Variants in APOBEC1 observed in about 807,000 individuals in gnomAD.
APOBEC1 encodes the protein C->U-editing enzyme APOBEC-1.
Under a neutral mutation model 26.3 loss-of-function variants are expected in APOBEC1, and 22 were observed. The ratio of observed to expected loss-of-function variants is 0.84; its 90% CI spans 0.60 to 1.19. The LOEUF (loss-of-function observed/expected upper bound fraction) is 1.19. Among genes scored for constraint, APOBEC1 ranks in the 50% most tolerant of loss-of-function variants. The probability of loss-of-function intolerance (pLI) is 0.00; values close to 1 mark genes in which losing one functional copy is unlikely to be tolerated. For missense variants in APOBEC1, 253 were observed against 289.0 expected (o/e 0.88, Z 0.90); for synonymous variants, 77 against 95.3 (o/e 0.81, Z 1.12).
chr12:7,654,715 C>A, intron 1 of APOBEC1, 83 bp from the exon 2 acceptor site: 1 of 1,272,764 alleles, frequency 7.9e-7, no homozygotes, highest in Non-Finnish European at 1.1e-6. Context: ...TATTCCAAAC[C>A]TCCAAATCAT....
chr12:7,660,375 G>GGAAGGAAAGAAA (rs61183510), intron 1 of APOBEC1, among the ~76,000 whole-genome samples: 9 of 23,968 alleles, frequency 3.8e-4, no homozygotes, highest in African/African-American at 1.0e-3. Flanking sequence ...AAGGAAGGAA[G>GGAAGGAAAGAAA]GAAAGAAAGA....
At chr12:7,653,977 C>T (rs1863680973) in intron 2 of APOBEC1, among the ~76,000 whole-genome samples, 1 of 152,130 alleles carries the variant, frequency 6.6e-6, no homozygotes, top group South Asian at 2.1e-4. Context: ...TAATAGTTCC[C>T]ACTCATCCCT....
chr12:7,652,696 C>T lies in APOBEC1; in HGVS notation c.184G>A (p.Val62Met), dbSNP rs370419195. The change falls in exon 3 of 5, where the codon GTG becomes ATG. Residue 62 changes from valine (V) to methionine (M), a missense_variant. Transcript: ENST00000229304. ...AATTTTTTTATAAAATTAACTTCCA[C>T]GTGATTGGTGGTGTTTTTGCCTGAG... ...RSSGKNTTNHVEVNFIKKFTS... is the reference protein window; with the variant it reads ...RSSGKNTTNHMEVNFIKKFTS... 61 of 1,613,938 alleles carry T rather than the reference C, an allele frequency of 3.8e-5. No individual in the cohort carries two copies. Among genetic ancestry groups the T allele is most frequent in the East Asian group, 3.1e-4 (14 of 44,894 alleles).
At chr12:7,663,239 G>C (rs1337472527) in intron 1 of APOBEC1, among the ~76,000 whole-genome samples, 1 of 152,150 alleles carries the variant, frequency 6.6e-6, no homozygotes, top group Non-Finnish European at 1.5e-5. Context: ...GTTTGTGTGT[G>C]TTACTTTTTA....
chr12:7,652,697 G>A lies in APOBEC1; in HGVS notation c.183C>T (p.His61=), dbSNP rs773777459. The A allele has an allele frequency of 1.5e-4, 250 of 1,614,052 alleles. 1 individual carries two copies. The highest frequency in any genetic ancestry group is 1.5e-3 in the Middle Eastern group (9 of 6,062). Residue 61 remains histidine, a synonymous_variant, in exon 3 of 5, where the codon CAC becomes CAT. Transcript: ENST00000229304. The stretch of plus-strand genomic sequence containing the variant: ...ATTTTTTTATAAAATTAACTTCCAC[G>A]TGATTGGTGGTGTTTTTGCCTGAGC... ...WRSSGKNTTN[H]VEVNFIKKFT...
upstream of APOBEC1, among the ~76,000 whole-genome samples, chr12:7,669,356 C>T (rs980286231): frequency 1.3e-5 from 2 of 152,010 alleles, no homozygotes; most frequent in African/African-American, 4.8e-5. Context: ...AATAGTATTC[C>T]ATTGCATAGG....
chr12:7,661,797 A>G (rs955737553), intron 1 of APOBEC1, among the ~76,000 whole-genome samples: 5 of 152,192 alleles, frequency 3.3e-5, no homozygotes, highest in African/African-American at 1.2e-4. Context: ...GAAAAAAGCA[A>G]CAATTGCTGC....
intron 1 of APOBEC1, among the ~76,000 whole-genome samples, chr12:7,665,568 G>A (rs932446408): frequency 1.3e-4 from 20 of 152,100 alleles, no homozygotes; most frequent in African/African-American, 4.8e-4. Context: ...AAAGTGCTGG[G>A]ATTACAGGTG....
intron 1 of APOBEC1, among the ~76,000 whole-genome samples, chr12:7,663,250 T>C (rs1565443397): frequency 1.3e-5 from 2 of 152,278 alleles, no homozygotes; most frequent in East Asian, 3.9e-4. Flanking sequence ...TTACTTTTTA[T>C]GCATTTGCAC....
intron 4 of APOBEC1, 66 bp from the exon 5 acceptor site, chr12:7,649,762 CA>C: frequency 8.6e-7 from 1 of 1,167,168 alleles, no homozygotes; most frequent in East Asian, 2.6e-5. Context: ...ATTATCACCA[CA>C]AACATTTAAA....
At chr12:7,660,159 C>T (rs61937008) in intron 1 of APOBEC1, among the ~76,000 whole-genome samples, 1,620 of 150,532 alleles carry the variant, frequency 0.011, 12 homozygotes, top group South Asian at 0.022. Flanking sequence ...AAAAATTAGC[C>T]AGGTGTGGTG....
At chr12:7,653,824 A>G (rs532653899) in intron 2 of APOBEC1, among the ~76,000 whole-genome samples, 2 of 152,216 alleles carry the variant, frequency 1.3e-5, no homozygotes, top group African/African-American at 4.8e-5. Flanking sequence ...ACTAACTCCT[A>G]TAAGAAAGAA....
upstream of APOBEC1, among the ~76,000 whole-genome samples, chr12:7,670,477 G>A (rs1440521692): frequency 2.9e-5 from 4 of 139,980 alleles, no homozygotes; most frequent in Non-Finnish European, 6.2e-5. Flanking sequence ...TAACCTGGCC[G>A]GGTGCAGTGG....
At chr12:7,661,693 C>T (rs747827017) in intron 1 of APOBEC1, among the ~76,000 whole-genome samples, 18 of 152,208 alleles carry the variant, frequency 1.2e-4, no homozygotes, top group African/African-American at 4.3e-4. Flanking sequence ...CCAAGTGGTT[C>T]CTGAAGACAT....
chr12:7,667,448 C>T (rs1274233037), upstream of APOBEC1, among the ~76,000 whole-genome samples: 2 of 152,132 alleles, frequency 1.3e-5, no homozygotes, highest in Non-Finnish European at 1.5e-5. Flanking sequence ...ATCCTACATA[C>T]AAGACTTTAC....
chr12:7,660,347 G>A (rs1422204431), intron 1 of APOBEC1, among the ~76,000 whole-genome samples: 3 of 24,228 alleles, frequency 1.2e-4, no homozygotes, highest in South Asian at 1.7e-3. Context: ...AAGGAAGGAA[G>A]GAAGGAAGGA....
intron 1 of APOBEC1, among the ~76,000 whole-genome samples, chr12:7,657,226 T>C (rs1176804319): frequency 6.6e-6 from 1 of 152,224 alleles, no homozygotes; most frequent in Non-Finnish European, 1.5e-5. Flanking sequence ...GCCTCATGTG[T>C]ATGTTTCCTC....
chr12:7,652,372 C>T (rs996807810), intron 3 of APOBEC1, 66 bp downstream of exon 3: 1 of 1,456,578 alleles, frequency 6.9e-7, no homozygotes. Flanking sequence ...ATCTTCTGGC[C>T]TAAAAACAGC....
chr12:7,652,681 T>A lies in APOBEC1; in HGVS notation c.199A>T (p.Ile67Leu), dbSNP rs1396735959. ...TCTCTTTCTGACGTAAATTTTTTTA[T>A]AAAATTAACTTCCACGTGATTGGTG... ...NTTNHVEVNF[I>L]KKFTSERDFH... The change falls in exon 3 of 5, where the codon ATA becomes TTA. Residue 67 changes from isoleucine (I) to leucine (L), a missense_variant. By Grantham distance (5) the Ile-to-Leu change is conservative (BLOSUM62 2). Coordinates refer to ENST00000229304, the MANE Select transcript of APOBEC1 (RefSeq NM_001644.5). The A allele has an allele frequency of 3.1e-6, 5 of 1,613,978 alleles. No individual in the cohort carries two copies. The highest frequency in any genetic ancestry group is 4.2e-6 in the Non-Finnish European group (5 of 1,180,002).
Sources: allele counts gnomAD v4.1 joint callset (sites outside exome capture counted in the v4.1 genomes callset), GRCh38; gene constraint gnomAD v4.1.1; transcripts MANE v1.5; gene names NCBI Gene and HGNC (gene_info 2026-07-23, HGNC 2026-07-21).